SYT1: variants seen among roughly 807,000 people sequenced by gnomAD.
SYT1 encodes synaptotagmin-1.
SYT1 carries 8 observed loss-of-function variants against 44.8 expected under a neutral mutation model. That is an observed-to-expected ratio of 0.18 (90% CI 0.10 to 0.32). The LOEUF (loss-of-function observed/expected upper bound fraction) is 0.32, where lower values mean the gene tolerates loss of function less well. SYT1 is among the 10% of genes least tolerant of loss of function. The pLI, the probability that SYT1 is intolerant of heterozygous loss-of-function variation, is 1.00. For missense variants in SYT1, 286 were observed against 509.3 expected (o/e 0.56, Z 4.22); for synonymous variants, 154 against 188.8 (o/e 0.82, Z 1.51).
intron 3 of SYT1, among the ~76,000 whole-genome samples, chr12:79,067,156 T>C (rs950365265): frequency 2.6e-5 from 4 of 152,192 alleles, no homozygotes; most frequent in African/African-American, 9.6e-5. Context: ...TTTTCAAAAG[T>C]GTTTCTTTTA....
chr12:79,006,034 C>T (rs1355152757), intron 2 of SYT1, among the ~76,000 whole-genome samples: 1 of 152,264 alleles, frequency 6.6e-6, no homozygotes, highest in East Asian at 1.9e-4. Flanking sequence ...CAAAAGACCA[C>T]AGGCCTCATC....
chr12:79,115,058 C>G (rs888085099), intron 3 of SYT1, among the ~76,000 whole-genome samples: 1 of 152,126 alleles, frequency 6.6e-6, no homozygotes, highest in Non-Finnish European at 1.5e-5. Context: ...GAAAATGCTG[C>G]AATTATTCTG....
At chr12:79,103,744 T>A (rs1293314275) in intron 3 of SYT1, among the ~76,000 whole-genome samples, 1 of 151,814 alleles carries the variant, frequency 6.6e-6, no homozygotes, top group Non-Finnish European at 1.5e-5. Flanking sequence ...GGTTAAACTG[T>A]ATCTGTGATA....
intron 4 of SYT1, among the ~76,000 whole-genome samples, chr12:79,272,931 T>A (rs1878508374): frequency 6.6e-6 from 1 of 152,238 alleles, no homozygotes; most frequent in Non-Finnish European, 1.5e-5. Context: ...CAAAAAAAGC[T>A]ATTCATTATC....
intron 9 of SYT1, among the ~76,000 whole-genome samples, chr12:79,370,564 C>A (rs2136047522): frequency 6.6e-6 from 1 of 152,140 alleles, no homozygotes; most frequent in Non-Finnish European, 1.5e-5. Context: ...AGATCGGGAC[C>A]ATCCTGGCTA....
chr12:79,279,550 C>T (rs1878927984), intron 4 of SYT1, among the ~76,000 whole-genome samples: 2 of 151,964 alleles, frequency 1.3e-5, no homozygotes, highest in South Asian at 4.1e-4. Context: ...CAACATCATA[C>T]TGAATGAGGG....
intron 3 of SYT1, among the ~76,000 whole-genome samples, chr12:79,145,287 CA>C (rs753021095): frequency 2.0e-5 from 3 of 151,970 alleles, no homozygotes; most frequent in Non-Finnish European, 2.9e-5. Context: ...TGATTAAAAA[CA>C]TATTTTTCTA....
chr12:79,315,654 T>G (rs1295681039), intron 8 of SYT1, among the ~76,000 whole-genome samples: 2 of 152,218 alleles, frequency 1.3e-5, no homozygotes, highest in East Asian at 3.9e-4. Flanking sequence ...GGATATTCGC[T>G]GAAAATATTC....
intron 2 of SYT1, among the ~76,000 whole-genome samples, chr12:79,001,416 C>A (rs1870734607): frequency 6.6e-6 from 1 of 152,092 alleles, no homozygotes; most frequent in Non-Finnish European, 1.5e-5. Context: ...GTTTTCTCTT[C>A]CTTTAGGGCA....
chr12:78,890,133 C>G (rs1874969576), intron 1 of SYT1, among the ~76,000 whole-genome samples: 1 of 151,860 alleles, frequency 6.6e-6, no homozygotes, highest in Admixed American at 6.6e-5. Context: ...TCTTTTCAAG[C>G]AGTGCTTTTA....
Position 78,983,288 on chromosome 12 carries a change from G to T in SYT1, c.-84+5357G>T, listed in dbSNP as rs553311575. 9.2e-5 allele frequency among the ~76,000 whole-genome samples: 14 copies of T among 152,076 alleles called. No homozygotes were observed. The South Asian group carries it at 2.9e-3, about 32-fold the overall frequency. On this transcript the variant is annotated intron_variant, in intron 2 of 10. Transcript: ENST00000261205. ...TTGCCGGAGAAATTTGATCCGTATA[G>T]CCAGATGTAAGTAATACCAGAGTGG... is the stretch of plus-strand genomic sequence containing the variant.
At chr12:79,257,454 A>G (rs1877583470) in intron 4 of SYT1, among the ~76,000 whole-genome samples, 1 of 152,158 alleles carries the variant, frequency 6.6e-6, no homozygotes, top group South Asian at 2.1e-4. Context: ...CCATTGTAAC[A>G]TTGCTGTTTT....
At chr12:78,897,448 C>CA (rs1875421093) in intron 1 of SYT1, among the ~76,000 whole-genome samples, 1 of 151,756 alleles carries the variant, frequency 6.6e-6, no homozygotes, top group Admixed American at 6.6e-5. Context: ...AAATACTGTC[C>CA]AAACCTAAAA....
At chr12:78,917,142 T>C (rs1284874711) in intron 1 of SYT1, among the ~76,000 whole-genome samples, 1 of 152,026 alleles carries the variant, frequency 6.6e-6, no homozygotes, top group East Asian at 1.9e-4. Flanking sequence ...CTTTCCTATA[T>C]TGAGTTGAAA....
chr12:78,874,530 T>G (rs150873439), intron 1 of SYT1, among the ~76,000 whole-genome samples: 1 of 151,740 alleles, frequency 6.6e-6, no homozygotes, highest in Non-Finnish European at 1.5e-5. Flanking sequence ...GCAATAATGT[T>G]TGCAAATTGT....
chr12:79,237,834 A>C (rs1876277554), intron 4 of SYT1, among the ~76,000 whole-genome samples: 1 of 152,140 alleles, frequency 6.6e-6, no homozygotes, highest in African/African-American at 2.4e-5. Context: ...AACCCTATAC[A>C]CTTATGATCC....
At chr12:79,256,368 C>T (rs1034522386) in intron 4 of SYT1, among the ~76,000 whole-genome samples, 11 of 152,180 alleles carry the variant, frequency 7.2e-5, no homozygotes, top group African/African-American at 2.7e-4. Flanking sequence ...CTTTGTTGGC[C>T]TGCAGAATCT....
chr12:79,255,716 ACT>A (rs1379458887), intron 4 of SYT1, among the ~76,000 whole-genome samples: 5 of 151,994 alleles, frequency 3.3e-5, no homozygotes, highest in African/African-American at 1.2e-4. Flanking sequence ...CTTCTACAAG[ACT>A]CTGTGGAATT....
At chr12:79,216,713 TTAAAA>T (rs1295510782) in intron 3 of SYT1, among the ~76,000 whole-genome samples, 3 of 152,158 alleles carry the variant, frequency 2.0e-5, no homozygotes, top group African/African-American at 4.8e-5. Context: ...AAACAAATAC[TTAAAA>T]TAATTGAATA....
Sources: allele counts gnomAD v4.1 joint callset (sites outside exome capture counted in the v4.1 genomes callset), GRCh38; gene constraint gnomAD v4.1.1; transcripts MANE v1.5; gene names NCBI Gene and HGNC (gene_info 2026-07-23, HGNC 2026-07-21).